Variants in FAM227A observed in about 807,000 individuals in gnomAD.
FAM227A encodes the protein family with sequence similarity 227 member A, also known as protein FAM227A.
FAM227A carries 80 observed loss-of-function variants against 74.7 expected under a neutral mutation model. The observed-to-expected ratio is 1.07, with a 90% CI of 0.89 to 1.29. The LOEUF (loss-of-function observed/expected upper bound fraction) is 1.29. FAM227A is among the 50% of genes most tolerant of loss of function. FAM227A has a pLI of 0.00. For synonymous variants in FAM227A, 237 were observed against 241.8 expected (o/e 0.98, Z 0.19); for missense variants, 654 against 683.4 (o/e 0.96, Z 0.48).
chr22:38,579,528 G>A lies in FAM227A; in HGVS notation c.*6597C>T, dbSNP rs2090688100. The A allele has an allele frequency of 6.6e-6, 1 of 152,182 alleles. No homozygotes were observed. The highest frequency in any genetic ancestry group is 6.5e-5 in the Admixed American group (1 of 15,274). The allele number at this position is 152,182 out of a possible 1,614,324, so 9.4% of individuals were successfully genotyped here. ...AATGAAAGTGTGTAAAATATGCTTA[G>A]AAGTGTCCATGGTAGATGCCTTTAA... On this transcript the variant is annotated 3_prime_UTR_variant, in exon 17 of 17. Coordinates refer to ENST00000535113, the MANE Select transcript of FAM227A (RefSeq NM_001013647.2).
At chr22:38,648,376 G>C (rs1245032531) in intron 2 of FAM227A, among the ~76,000 whole-genome samples, 3 of 151,758 alleles carry the variant, frequency 2.0e-5, no homozygotes, top group African/African-American at 7.3e-5. Context: ...GGGAGGCTGA[G>C]GCAGGCGGAT....
At position 38,638,786 on chromosome 22, in the gene FAM227A, C is replaced by G. The variant is rs1336517986; in HGVS notation, c.332G>C (p.Gly111Ala). The G allele has an allele frequency of 6.5e-7, 1 of 1,539,876 alleles. No homozygotes were observed. The highest frequency in any genetic ancestry group is 2.4e-5 in the East Asian group (1 of 40,842). ...RQRKSQYSCKGSELRHARSSV... is the reference protein window; with the variant it reads ...RQRKSQYSCKASELRHARSSV... Reference sequence around the variant, plus strand: ...AGATCTGGCATGTCTGAGTTCGGAGCCTTTGCAGGAATACTGAGATTTCCT... The same window carrying G: ...AGATCTGGCATGTCTGAGTTCGGAGGCTTTGCAGGAATACTGAGATTTCCT... The change falls in exon 5 of 17, where the codon GGC (glycine) becomes GCC (alanine). Residue 111 changes from glycine to alanine, a missense_variant. Coordinates refer to ENST00000535113, the MANE Select transcript of FAM227A (RefSeq NM_001013647.2).
Position 38,628,919 on chromosome 22 carries a change from C to T in FAM227A, c.536G>A (p.Arg179Lys). The T allele has an allele frequency of 6.5e-7, 1 of 1,530,002 alleles. No homozygotes were observed. The allele number at this position is 1,530,002 out of a possible 1,614,324, so 94.8% of individuals were successfully genotyped here. A position where few individuals can be genotyped will look rare whatever the true frequency, so the allele number is the denominator to read the frequency against. The change falls in exon 7 of 17, where the codon AGA becomes AAA. Residue 179 changes from arginine (R) to lysine (K), a missense_variant. By Grantham distance (26) the Arg-to-Lys change is conservative. Coordinates refer to ENST00000535113, the MANE Select transcript of FAM227A (RefSeq NM_001013647.2). ...AGAAGAGAGAAACTTCTCTAATTCT[C>T]TACCTGAACAGAAATGCTTGGAAAA... is the stretch of plus-strand genomic sequence containing the variant. ...CLSGKHFCSGRELEKFLSSSS... is the reference protein window; with the variant it reads ...CLSGKHFCSGKELEKFLSSSS...
At chr22:38,655,953 G>A (rs945057648) in intron 1 of FAM227A, among the ~76,000 whole-genome samples, 167 bp downstream of exon 1, 1 of 152,198 alleles carries the variant, frequency 6.6e-6, no homozygotes, top group Non-Finnish European at 1.5e-5. Flanking sequence ...AGGACTCTAG[G>A]AGATCTGGAG....
At position 38,585,802 on chromosome 22, in the gene FAM227A, G is replaced by A; in HGVS notation, c.*323C>T. On this transcript the variant is annotated 3_prime_UTR_variant, in exon 17 of 17. Transcript: ENST00000535113. ...GGCTTGCTGCTGCGTAAAATGCAGT[G>A]GATAATCCCTACTTCATACGGCTGG... 1 of 476,278 alleles carries A rather than the reference G, an allele frequency of 2.1e-6. No individual in the cohort carries two copies. Among genetic ancestry groups the A allele is most frequent in the Non-Finnish European group, 3.7e-6 (1 of 273,896 alleles). The allele number at this position is 476,278 out of a possible 1,614,324, so 29.5% of individuals were successfully genotyped here.
At chr22:38,627,442 C>G (rs1280215123) in intron 8 of FAM227A, among the ~76,000 whole-genome samples, 2 of 151,842 alleles carry the variant, frequency 1.3e-5, no homozygotes, top group Admixed American at 6.6e-5. Flanking sequence ...GTGGTACGCA[C>G]CTGTAATCCC....
At position 38,628,265 on chromosome 22, in the gene FAM227A, C is replaced by T; in HGVS notation, c.699G>A (p.Lys233=). 3 of 1,550,840 alleles carry T rather than the reference C, an allele frequency of 1.9e-6. No homozygotes were observed. The highest frequency in any genetic ancestry group is 2.6e-6 in the Non-Finnish European group (3 of 1,146,312). Residue 233 remains lysine (K), a synonymous_variant, in exon 8 of 17, where the codon AAG becomes AAA. Coordinates refer to ENST00000535113, the MANE Select transcript of FAM227A (RefSeq NM_001013647.2). ...TTAAGAGCGCCTCTTCAGAGTGGGA[C>T]TTGGGTACACGAAACAAAAGTAAGG... is the stretch of plus-strand genomic sequence containing the variant. The part of the protein sequence containing the change: ...HYALLLFRVP[K]SHSEEALLKR...
Position 38,637,469 on chromosome 22 carries a change from T to A in FAM227A, c.373-872A>T, listed in dbSNP as rs186374643. ...TGATTTTTAGGATAAAACTAAAACA[T>A]GATGACTATAAAAAATGTAAAAATA... On this transcript the variant is annotated intron_variant, in intron 5 of 16. Coordinates refer to ENST00000535113, the MANE Select transcript of FAM227A (RefSeq NM_001013647.2). 5.3e-3 allele frequency among the ~76,000 whole-genome samples: 800 copies of A among 152,314 alleles called. 5 individuals are homozygous for A. The highest frequency in any genetic ancestry group is 9.3e-3 in the Non-Finnish European group (635 of 68,012).
In FAM227A at chr22:38,623,600, G is replaced by T. The variant is rs78251125; in HGVS notation, c.851-321C>A. On this transcript the variant is annotated intron_variant, in intron 9 of 16. Coordinates refer to ENST00000535113, the MANE Select transcript of FAM227A (RefSeq NM_001013647.2). ...TTGGCTTCTTCATCTGAAAAACGGGGATGATGACCCTGCCCTACGTGTCAG... is the reference window on the plus strand; with the variant it reads ...TTGGCTTCTTCATCTGAAAAACGGGTATGATGACCCTGCCCTACGTGTCAG... Among the ~76,000 whole-genome samples, 1,471 of 152,250 alleles carry T rather than the reference G, an allele frequency of 9.7e-3. 31 individuals are homozygous for T. Among genetic ancestry groups the T allele is most frequent in the African/African-American group, 0.034 (1,424 of 41,546 alleles).
At chr22:38,592,922 A>G (rs2090968525) in intron 15 of FAM227A, among the ~76,000 whole-genome samples, 2 of 152,266 alleles carry the variant, frequency 1.3e-5, no homozygotes, top group Admixed American at 6.5e-5. Flanking sequence ...ACGACTGAGG[A>G]TCAGTGAGGT....
At chr22:38,608,353 T>C (rs1157050377) in intron 11 of FAM227A, among the ~76,000 whole-genome samples, 1 of 151,828 alleles carries the variant, frequency 6.6e-6, no homozygotes, top group Non-Finnish European at 1.5e-5. Flanking sequence ...AATACATTTC[T>C]CTCCCACATA....
intron 11 of FAM227A, among the ~76,000 whole-genome samples, chr22:38,613,362 T>TTTATAATATATAATATATGA (rs1299382073): frequency 5.6e-4 from 8 of 14,284 alleles, no homozygotes; most frequent in African/African-American, 2.4e-3. Flanking sequence ...ATAATATATA[T>TTTATAATATATAATATATGA]CATATATAAT....
chr22:38,609,864 C>T lies in FAM227A; in HGVS notation c.1039-2388G>A, dbSNP rs896361209. ...TCAGCTCACTGCAACCTCCGCTTCT[C>T]AGGTTCAAGTGATTCTCCCGCCTCA... On this transcript the variant is annotated intron_variant, in intron 11 of 16. Transcript: ENST00000535113. 2.4e-4 allele frequency among the ~76,000 whole-genome samples: 37 copies of T among 152,104 alleles called. 2 individuals carry two copies. The South Asian group carries it at 6.2e-3, about 26-fold the overall frequency.
chr22:38,621,548 T>C (rs2091691762), intron 10 of FAM227A, among the ~76,000 whole-genome samples: 1 of 151,986 alleles, frequency 6.6e-6, no homozygotes, highest in Admixed American at 6.6e-5. Context: ...GAGGTTGCAG[T>C]GAGCTGAGAT....
rs568366935 is a variant in FAM227A at position 38,654,696 on chromosome 22, C to T, written c.-95+1424G>A. Reference sequence around the variant, plus strand: ...CTGTAATCCCAGCACTTTGGGAGGCCGAGGCAGGCGGATCATGAGGTCAGG... The same window carrying T: ...CTGTAATCCCAGCACTTTGGGAGGCTGAGGCAGGCGGATCATGAGGTCAGG... On this transcript the variant is annotated intron_variant, in intron 1 of 16. Transcript: ENST00000535113. 6.1e-5 allele frequency among the ~76,000 whole-genome samples: 9 copies of T among 147,806 alleles called. No individual in the cohort carries two copies. The South Asian group carries it at 6.5e-4, about 11-fold the overall frequency.
At chr22:38,640,265 C>T (rs937236353) in intron 3 of FAM227A, among the ~76,000 whole-genome samples, 5 of 152,106 alleles carry the variant, frequency 3.3e-5, no homozygotes, top group Non-Finnish European at 7.4e-5. Context: ...GATCTCCTGA[C>T]CTCCTCATCT....
intron 12 of FAM227A, 58 bp downstream of exon 12, chr22:38,607,330 GT>G: frequency 7.6e-7 from 1 of 1,320,980 alleles, no homozygotes; most frequent in Non-Finnish European, 1.1e-6. Flanking sequence ...AGAAACCAGG[GT>G]TTTGGAGACA....
intron 2 of FAM227A, among the ~76,000 whole-genome samples, chr22:38,648,608 G>GAAAC (rs10645286): frequency 0.3 from 44,564 of 147,910 alleles, 7,210 homozygotes; most frequent in Middle Eastern, 0.37. Flanking sequence ...CTCTGTCTCA[G>GAAAC]AAACAAACAA....
chr22:38,648,626 AT>A (rs2092278796), intron 2 of FAM227A, among the ~76,000 whole-genome samples: 1 of 150,408 alleles, frequency 6.6e-6, no homozygotes, highest in African/African-American at 2.4e-5. Flanking sequence ...CAAACAAAAT[AT>A]TTAAAGAACT....
Sources: allele counts gnomAD v4.1 joint callset (sites outside exome capture counted in the v4.1 genomes callset), GRCh38; gene constraint gnomAD v4.1.1; transcripts MANE v1.5; gene names NCBI Gene and HGNC (gene_info 2026-07-23, HGNC 2026-07-21).